Variants in RANBP2 observed in about 807,000 individuals in gnomAD.
RANBP2 encodes the protein E3 SUMO-protein ligase RanBP2.
Under a neutral mutation model 303.6 loss-of-function variants are expected in RANBP2, and 57 were observed. The ratio of observed to expected loss-of-function variants is 0.19; its 90% CI spans 0.15 to 0.23. The LOEUF (loss-of-function observed/expected upper bound fraction) is 0.23. Ranked by LOEUF, RANBP2 falls within the 10% of genes least tolerant of loss-of-function variation. The pLI, the probability that RANBP2 is intolerant of heterozygous loss-of-function variation, is 1.00. For synonymous variants in RANBP2, 1,167 were observed against 1,301.5 expected (o/e 0.90, Z 2.23); for missense variants, 3,138 against 3,780.8 (o/e 0.83, Z 4.46).
chr2:109,587,712 G>C, the RANBP2 span, among the ~76,000 whole-genome samples: 134 of 152,214 alleles, frequency 8.8e-4, no homozygotes, highest in Non-Finnish European at 1.4e-3. Flanking sequence ...AGGAGATTGA[G>C]ACCATCCTGG....
the RANBP2 span, among the ~76,000 whole-genome samples, chr2:109,698,262 G>T: frequency 2.0e-5 from 3 of 151,466 alleles, no homozygotes; most frequent in Admixed American, 2.0e-4. Flanking sequence ...GTTCATTTTA[G>T]ACACTGTATC....
At chr2:109,231,251 GCT>G in the RANBP2 span, among the ~76,000 whole-genome samples, 1 of 152,228 alleles carries the variant, frequency 6.6e-6, no homozygotes, top group Non-Finnish European at 1.5e-5. Flanking sequence ...TCTAATTACT[GCT>G]CTTTCTTCTA....
chr2:108,790,001 C>T (rs1212398770), downstream of RANBP2, among the ~76,000 whole-genome samples: 1 of 151,908 alleles, frequency 6.6e-6, no homozygotes, highest in Non-Finnish European at 1.5e-5. Flanking sequence ...AATAATTATG[C>T]CTAAAGTATC....
chr2:108,736,380 G>A, intron 6 of RANBP2, 131 bp downstream of exon 6: 2 of 1,537,208 alleles, frequency 1.3e-6, no homozygotes, highest in Non-Finnish European at 8.9e-7. Flanking sequence ...TTAATACAGT[G>A]AACAACTAGG....
the RANBP2 span, among the ~76,000 whole-genome samples, chr2:109,042,777 T>C: frequency 2.6e-5 from 4 of 152,196 alleles, no homozygotes; most frequent in East Asian, 1.9e-4. Flanking sequence ...CTAATAACCA[T>C]TGTGATCATA....
the RANBP2 span, among the ~76,000 whole-genome samples, chr2:109,769,976 TAC>T: frequency 8.0e-6 from 1 of 124,766 alleles, no homozygotes; most frequent in Non-Finnish European, 1.7e-5. Flanking sequence ...ATCAAATTAA[TAC>T]AGTTTCTTTT....
the RANBP2 span, among the ~76,000 whole-genome samples, chr2:108,848,453 G>T: frequency 6.6e-6 from 1 of 152,174 alleles, no homozygotes; most frequent in Non-Finnish European, 1.5e-5. Context: ...CAGGGCATAA[G>T]AATATGGATA....
chr2:109,210,951 G>A, the RANBP2 span, among the ~76,000 whole-genome samples: 1 of 152,226 alleles, frequency 6.6e-6, no homozygotes, highest in Admixed American at 6.5e-5. Flanking sequence ...GAGCCTCCCA[G>A]TGGGCTGGGT....
At chr2:109,384,955 A>G in the RANBP2 span, among the ~76,000 whole-genome samples, 41 of 152,302 alleles carry the variant, frequency 2.7e-4, no homozygotes, top group African/African-American at 8.9e-4. Flanking sequence ...AGTGGGGCCC[A>G]TTGCTCTTAG....
chr2:108,932,198 A>G, the RANBP2 span, among the ~76,000 whole-genome samples: 1 of 152,154 alleles, frequency 6.6e-6, no homozygotes, highest in Non-Finnish European at 1.5e-5. Context: ...GCCTAAAGGC[A>G]TTAGGTAGAA....
At chr2:109,401,262 G>A in the RANBP2 span, among the ~76,000 whole-genome samples, 29 of 152,208 alleles carry the variant, frequency 1.9e-4, no homozygotes, top group Non-Finnish European at 3.1e-4. Flanking sequence ...GTGAACAGTC[G>A]AAAGTTGTGT....
At chr2:109,162,634 C>A in the RANBP2 span, among the ~76,000 whole-genome samples, 1 of 152,164 alleles carries the variant, frequency 6.6e-6, no homozygotes, top group Non-Finnish European at 1.5e-5. Context: ...CATTGTTGGA[C>A]ATTTGGGTTG....
chr2:109,512,719 G>T, the RANBP2 span, among the ~76,000 whole-genome samples: 1 of 152,108 alleles, frequency 6.6e-6, no homozygotes. Flanking sequence ...GAGCCCTCAG[G>T]TAGCATCTTT....
the RANBP2 span, among the ~76,000 whole-genome samples, chr2:108,975,251 C>T: frequency 6.6e-6 from 1 of 152,198 alleles, no homozygotes; most frequent in Non-Finnish European, 1.5e-5. Flanking sequence ...CAGCTGCGGC[C>T]TCAGGCAGAA....
At chr2:109,513,946 C>T in the RANBP2 span, among the ~76,000 whole-genome samples, 3 of 152,186 alleles carry the variant, frequency 2.0e-5, no homozygotes, top group Non-Finnish European at 4.4e-5. Flanking sequence ...AGCAAGCAGC[C>T]GGGTGGAGCC....
the RANBP2 span, among the ~76,000 whole-genome samples, chr2:109,032,874 T>G: frequency 6.6e-6 from 1 of 152,168 alleles, no homozygotes; most frequent in Non-Finnish European, 1.5e-5. Flanking sequence ...AACAGAGAAC[T>G]CCAGATGGGC....
At chr2:108,833,788 C>T in the RANBP2 span, among the ~76,000 whole-genome samples, 5 of 140,876 alleles carry the variant, frequency 3.5e-5, no homozygotes, top group South Asian at 2.2e-4. Context: ...AGTGCAGTGG[C>T]GTGATCTCGG....
the RANBP2 span, among the ~76,000 whole-genome samples, chr2:108,949,484 G>A: frequency 8.7e-3 from 1,328 of 152,238 alleles, 12 homozygotes; most frequent in South Asian, 0.03. Flanking sequence ...TGCCTACTGC[G>A]TCCCACAACT....
rs1344906189 is a variant in RANBP2, at chr2:108,771,648, A to G, written c.7850-53A>G. The G allele has an allele frequency of 3.7e-6, 6 of 1,601,172 alleles. No homozygotes were observed. In the East Asian group the frequency reaches 8.9e-5, roughly 24 times the overall value. Reference sequence around the variant, plus strand: ...GGTTTTTATTTTCAGTTAGAGTATTAACGTCAATACTTAATACCTTATCTT... The same window carrying G: ...GGTTTTTATTTTCAGTTAGAGTATTGACGTCAATACTTAATACCTTATCTT... On this transcript the variant is annotated intron_variant, in intron 20 of 28. Transcript: ENST00000283195.
Sources: gnomAD v4.1 joint callset for allele counts (sites outside exome capture counted in the v4.1 genomes callset) on GRCh38, gnomAD v4.1.1 for gene constraint, MANE v1.5 for transcripts, NCBI Gene and HGNC (gene_info 2026-07-23, HGNC 2026-07-21) for gene names.